PRKG1: variants seen among roughly 807,000 people sequenced by gnomAD.
The protein encoded by PRKG1 is protein kinase cGMP-dependent 1.
Under a neutral mutation model 88.1 loss-of-function variants are expected in PRKG1, and 35 were observed. The observed-to-expected ratio is 0.40, with a 90% CI of 0.30 to 0.53. PRKG1 has a LOEUF of 0.53. Ranked by LOEUF, PRKG1 falls within the 20% of genes least tolerant of loss-of-function variation. The probability of loss-of-function intolerance (pLI) is 0.59; values close to 1 mark genes in which losing one functional copy is unlikely to be tolerated. For synonymous variants in PRKG1, 303 were observed against 292.5 expected, an observed-to-expected ratio of 1.04 and a Z score of -0.37; for missense variants, 540 against 839.8, an observed-to-expected ratio of 0.64 and a Z score of 4.41.
intron 3 of PRKG1, among the ~76,000 whole-genome samples, chr10:51,776,888 G>C (rs56380362): frequency 0.016 from 2,375 of 152,206 alleles, 81 homozygotes; most frequent in African/African-American, 0.054. Context: ...GATGAGGCAA[G>C]AGCAAACATG....
At chr10:51,604,532 A>G (rs1838704963) in intron 3 of PRKG1, among the ~76,000 whole-genome samples, 1 of 152,268 alleles carries the variant, frequency 6.6e-6, no homozygotes, top group African/African-American at 2.4e-5. Context: ...CTCGCCACAC[A>G]GATCAAAATC....
intron 4 of PRKG1, among the ~76,000 whole-genome samples, chr10:51,833,162 G>A (rs950056147): frequency 1.3e-5 from 2 of 152,148 alleles, no homozygotes; most frequent in African/African-American, 2.4e-5. Flanking sequence ...GACTTGCTGA[G>A]TCATGCACTC....
At chr10:51,962,958 G>A (rs549902099) in intron 5 of PRKG1, among the ~76,000 whole-genome samples, 2 of 152,306 alleles carry the variant, frequency 1.3e-5, no homozygotes, top group Admixed American at 1.3e-4. Context: ...GAAAACAGAA[G>A]CTGAGAAATC....
chr10:51,647,750 A>G (rs907621330), intron 3 of PRKG1, among the ~76,000 whole-genome samples: 2 of 152,210 alleles, frequency 1.3e-5, no homozygotes, highest in Non-Finnish European at 2.9e-5. Context: ...TCAATCCATT[A>G]AAAAATAACA....
rs1564733460 is a variant in PRKG1, at chr10:51,970,047, CA to C, written c.762+62478del. ...ACACACACACACACACACACACACACACACCCATATTTATTTATATATTTTT... is the reference window on the plus strand; with the variant it reads ...ACACACACACACACACACACACACACCACCCATATTTATTTATATATTTTT... On this transcript the variant is annotated intron_variant, in intron 5 of 17. Coordinates refer to ENST00000373980, the MANE Select transcript of PRKG1 (RefSeq NM_006258.4). Among the ~76,000 whole-genome samples, 206 of 92,556 alleles carry C rather than the reference CA, an allele frequency of 2.2e-3. 1 individual carries two copies. Among genetic ancestry groups the C allele is most frequent in the African/African-American group, 7.2e-3 (189 of 26,394 alleles). The allele number at this position is 92,556 out of a possible 152,430, so 60.7% of individuals were successfully genotyped here. A position where few individuals can be genotyped will look rare whatever the true frequency, so the allele number is the denominator to read the frequency against.
At chr10:51,426,907 T>A (rs1588947589) in intron 2 of PRKG1, among the ~76,000 whole-genome samples, 1 of 152,314 alleles carries the variant, frequency 6.6e-6, no homozygotes, top group East Asian at 1.9e-4. Flanking sequence ...CTTTCTTTTT[T>A]TTGATATTTC....
rs553682376 is a variant in PRKG1, at chr10:51,418,297, G to A, written c.479-49426G>A. On this transcript the variant is annotated intron_variant, in intron 2 of 17. Transcript: ENST00000373980. ...GGTATACCAAAACTAAAGAGGGAGC[G>A]TCATCTTCCCTTCTAGTCCCTAACT... 3.9e-5 allele frequency among the ~76,000 whole-genome samples: 6 copies of A among 152,228 alleles called. No homozygotes were observed. In the East Asian group the frequency reaches 5.8e-4, roughly 15 times the overall value.
intron 2 of PRKG1, among the ~76,000 whole-genome samples, chr10:51,164,220 C>T (rs1457456036): frequency 6.6e-6 from 1 of 152,174 alleles, no homozygotes; most frequent in African/African-American, 2.4e-5. Flanking sequence ...AACGATCAGA[C>T]AGCAGCATTC....
rs987165498 is a variant in PRKG1 at position 51,666,962 on chromosome 10, T to A, written c.593-137623T>A. Among the ~76,000 whole-genome samples the A allele has an allele frequency of 3.3e-5, 5 of 151,818 alleles. No individual in the cohort carries two copies. In the East Asian group the frequency reaches 9.7e-4, roughly 29 times the overall value. On this transcript the variant is annotated intron_variant, in intron 3 of 17. Coordinates refer to ENST00000373980, the MANE Select transcript of PRKG1 (RefSeq NM_006258.4). ...GGTGCCTACCACTAAGCCTGGCTAA[T>A]TTTTTTTGTATTTTTAGTAGAGACG...
intron 2 of PRKG1, among the ~76,000 whole-genome samples, chr10:51,269,733 G>A (rs1041133804): frequency 2.0e-5 from 3 of 152,118 alleles, no homozygotes; most frequent in Non-Finnish European, 4.4e-5. Flanking sequence ...GGAGGGGGAT[G>A]AGGACTAAAA....
chr10:51,428,473 C>T (rs557010379), intron 2 of PRKG1, among the ~76,000 whole-genome samples: 5 of 152,192 alleles, frequency 3.3e-5, no homozygotes, highest in Admixed American at 2.6e-4. Context: ...AAGCCCTCCA[C>T]CCAAAAATAA....
At chr10:51,994,124 G>T (rs1589496076) in intron 5 of PRKG1, among the ~76,000 whole-genome samples, 1 of 152,162 alleles carries the variant, frequency 6.6e-6, no homozygotes, top group Non-Finnish European at 1.5e-5. Flanking sequence ...ACTACTGCTT[G>T]CTGTGTTCAC....
chr10:50,991,207 CA>C lies in PRKG1; in HGVS notation c.-171del, dbSNP rs1842776618. 1 of 929,044 alleles carries C rather than the reference CA, an allele frequency of 1.1e-6. No individual in the cohort carries two copies. The highest frequency in any genetic ancestry group is 1.5e-6 in the Non-Finnish European group (1 of 647,420). The allele number at this position is 929,044 out of a possible 1,614,324, so 57.6% of individuals were successfully genotyped here. The stretch of plus-strand genomic sequence containing the variant: ...TCCATTCAGCAGAAGCGGATCGAAG[CA>C]GGAGGCTCCCCGCGCCGCATTAGGG... On this transcript the variant is annotated 5_prime_UTR_variant, in exon 1 of 18. Transcript: ENST00000401604. This position sits in a 1 kb window ranked among gnomAD's most constrained non-coding sequence, Gnocchi z 4.5.
intron 1 of PRKG1, among the ~76,000 whole-genome samples, chr10:51,010,493 T>A (rs1767266138): frequency 6.6e-6 from 1 of 152,196 alleles, no homozygotes; most frequent in Non-Finnish European, 1.5e-5. Flanking sequence ...TCTGCACACA[T>A]AATTGTGTGT....
At chr10:51,125,884 A>G (rs1288318457) in intron 1 of PRKG1, among the ~76,000 whole-genome samples, 1 of 138,028 alleles carries the variant, frequency 7.2e-6, no homozygotes, top group Non-Finnish European at 1.5e-5. Context: ...ATAAACTTAT[A>G]TGATTTATAA....
chr10:52,048,911 T>C (rs1280045279), intron 5 of PRKG1, among the ~76,000 whole-genome samples: 1 of 152,182 alleles, frequency 6.6e-6, no homozygotes, highest in Non-Finnish European at 1.5e-5. Flanking sequence ...AAATATATAT[T>C]GAATGCCTAT....
intron 2 of PRKG1, among the ~76,000 whole-genome samples, chr10:51,187,318 AG>A (rs1189102275): frequency 1.6e-4 from 24 of 152,102 alleles, no homozygotes; most frequent in African/African-American, 5.5e-4. Context: ...CCTGTAAATA[AG>A]GGCAATGAAG....
chr10:52,285,268 T>C (rs996984797), intron 14 of PRKG1, among the ~76,000 whole-genome samples: 4 of 152,106 alleles, frequency 2.6e-5, no homozygotes, highest in African/African-American at 4.8e-5. Context: ...CACATGGCAT[T>C]CCTCTAGTGA....
intron 1 of PRKG1, among the ~76,000 whole-genome samples, chr10:51,100,793 A>T (rs1844660191): frequency 6.6e-6 from 1 of 152,172 alleles, no homozygotes; most frequent in Admixed American, 6.6e-5. Flanking sequence ...GATGGAGAAA[A>T]TAACTAACAA....
Sources: allele counts gnomAD v4.1 joint callset (sites outside exome capture counted in the v4.1 genomes callset), GRCh38; gene constraint gnomAD v4.1.1; non-coding constraint Gnocchi (gnomAD v3.1); transcripts MANE v1.5; gene names NCBI Gene and HGNC (gene_info 2026-07-23, HGNC 2026-07-21).